HLA-DQB1: variants seen among roughly 807,000 people sequenced by gnomAD.
HLA-DQB1 encodes the protein HLA class II histocompatibility antigen, DQ beta 1 chain.
Under a neutral mutation model 26.4 loss-of-function variants are expected in HLA-DQB1, and 13 were observed. The ratio of observed to expected loss-of-function variants is 0.49; its 90% confidence interval spans 0.32 to 0.78. HLA-DQB1 has a LOEUF of 0.78. Among genes scored for constraint, HLA-DQB1 ranks in the 30% least tolerant of loss-of-function variants. The pLI, the probability that HLA-DQB1 is intolerant of heterozygous loss-of-function variation, is 0.03. For synonymous variants in HLA-DQB1, 60 were observed against 129.1 expected (o/e 0.46, Z 3.63); for missense variants, 158 against 326.2 (o/e 0.48, Z 3.97).
chr6:32,663,612 G>GCCTACAGT (rs17843763), intron 2 of HLA-DQB1: 2 of 147,186 alleles, frequency 1.4e-5, no homozygotes, highest in Non-Finnish European at 3.0e-5. Flanking sequence ...ACCAATATTA[G>GCCTACAGT]GATATATAAA....
chr6:32,660,230 CA>C, exon 5 of HLA-DQB1: 1 of 997,746 alleles, frequency 1.0e-6, no homozygotes, highest in Non-Finnish European at 1.4e-6. Context: ...AAAATAGTCT[CA>C]GGAGTCAGTG....
At chr6:32,661,551 G>T in intron 3 of HLA-DQB1, 94 bp from the exon 4 acceptor site, 1 of 773,558 alleles carries the variant, frequency 1.3e-6, no homozygotes, top group Non-Finnish European at 1.9e-6. Flanking sequence ...AGAAGGTGAA[G>T]GCATCAAAGG....
At chr6:32,660,296 G>GGGAGATGGCAGGCCCA in intron 4 of HLA-DQB1, 47 bp from the exon 5 acceptor site, 1 of 965,022 alleles carries the variant, frequency 1.0e-6, no homozygotes, top group South Asian at 1.7e-5. Context: ...ATCCTGGTGG[G>GGGAGATGGCAGGCCCA]CCTGCCATCT....
intron 1 of HLA-DQB1, 50 bp downstream of exon 1, chr6:32,666,449 G>A (rs68033958): frequency 0.22 from 144,210 of 659,128 alleles, 24,316 homozygotes; most frequent in South Asian, 0.39. Context: ...AGCCCAAGGA[G>A]AGCCTGTTCC....
In HLA-DQB1 at chr6:32,660,162, T is replaced by C. The variant is rs888653196; in HGVS notation, c.*74A>G. On this transcript the variant is annotated 3_prime_UTR_variant, in exon 5 of 5. Coordinates refer to ENST00000434651, the Ensembl canonical transcript of HLA-DQB1. ...AGGGGGACAAGCTGACACAGGCAGC[T>C]GGGAATTCTGGGCAGGCATAAGCAG... is the stretch of plus-strand genomic sequence containing the variant. 1.0e-5 allele frequency: 7 copies of C among 691,984 alleles called. 2 individuals carry two copies. Among genetic ancestry groups the C allele is most frequent in the African/African-American group, 7.7e-5 (4 of 51,944 alleles). The allele number at this position is 691,984 out of a possible 1,614,324, so 42.9% of individuals were successfully genotyped here.
intron 2 of HLA-DQB1, chr6:32,662,718 T>C (rs9274183): frequency 0.71 from 65,368 of 92,388 alleles, 26,314 homozygotes; most frequent in Middle Eastern, 0.84. Context: ...CCTTTCCTTT[T>C]AGGCCACTTT....
chr6:32,660,098 C>A, exon 5 of HLA-DQB1: 2 of 452,034 alleles, frequency 4.4e-6, no homozygotes, highest in Non-Finnish European at 4.0e-6. Flanking sequence ...AGGAGATGAC[C>A]TGGTGGCTGC....
At chr6:32,665,842 G>A (rs281861380) in intron 1 of HLA-DQB1, among the ~76,000 whole-genome samples, 1 of 107,220 alleles carries the variant, frequency 9.3e-6, no homozygotes, top group East Asian at 3.2e-4. Context: ...TGTCTGAAGT[G>A]AGTGGTTTCA....
At chr6:32,666,506 G>A (rs1784182532) in exon 1 of HLA-DQB1, 2 of 1,090,246 alleles carry the variant, frequency 1.8e-6, no homozygotes, top group South Asian at 1.4e-5. Context: ...TACCGGGAGA[G>A]TCTCTGCCCT....
At chr6:32,662,367 C>A (rs9274087) in intron 2 of HLA-DQB1, 119 bp from the exon 3 acceptor site, 1 of 434,276 alleles carries the variant, frequency 2.3e-6, no homozygotes, top group Non-Finnish European at 3.7e-6. Flanking sequence ...GAGTCGAAGT[C>A]TTGGATTAAG....
At chr6:32,660,364 G>GTCT in intron 4 of HLA-DQB1, 115 bp from the exon 5 acceptor site, 1 of 517,070 alleles carries the variant, frequency 1.9e-6, no homozygotes, top group Non-Finnish European at 3.4e-6. Context: ...GGTCCAGGGT[G>GTCT]TATTGTCATC....
In HLA-DQB1 at chr6:32,664,911, T is replaced by TG. The variant is rs762351772; in HGVS notation, c.265_266insC (p.Asp89AlafsTer79). On this transcript the variant is annotated frameshift_variant, in exon 2 of 5. Coordinates refer to ENST00000434651, the Ensembl canonical transcript of HLA-DQB1. LOFTEE classifies it high-confidence loss of function. ...CTTCTGGCTGTTCCAGTACTCGGCATCAGGCCGCCCCTGCGGCGTCACCGC... is the reference window on the plus strand; with the variant it reads ...CTTCTGGCTGTTCCAGTACTCGGCATGCAGGCCGCCCCTGCGGCGTCACCGC... 7.5e-7 allele frequency: 1 copy of TG among 1,333,108 alleles called. No homozygotes were observed. The highest frequency in any genetic ancestry group is 1.1e-6 in the Non-Finnish European group (1 of 947,506). The allele number at this position is 1,333,108 out of a possible 1,614,324, so 82.6% of individuals were successfully genotyped here.
exon 2 of HLA-DQB1, chr6:32,664,873 C>T (rs1130386): frequency 0.43 from 444,825 of 1,037,710 alleles, 160,255 homozygotes; most frequent in East Asian, 0.69. Flanking sequence ...GCCCGGGTCC[C>T]CTCCAGGACT....
At chr6:32,663,425 A>ATG (rs1783411870) in intron 2 of HLA-DQB1, 1 of 126,258 alleles carries the variant, frequency 7.9e-6, no homozygotes, top group Non-Finnish European at 1.7e-5. Context: ...GCATTAACAC[A>ATG]CAGAACAAAC....
chr6:32,664,594 C>T (rs150457662), intron 2 of HLA-DQB1: 10,543 of 291,970 alleles, frequency 0.036, 3,231 homozygotes, highest in South Asian at 0.24. Flanking sequence ...GGCAGCCTGG[C>T]CAACTCTGCT....
At chr6:32,665,506 G>A (rs281861676) in intron 1 of HLA-DQB1, among the ~76,000 whole-genome samples, 1 of 102,414 alleles carries the variant, frequency 9.8e-6, no homozygotes, top group Non-Finnish European at 2.1e-5. Flanking sequence ...GCCTCGTTCT[G>A]ACACGCGTAT....
intron 1 of HLA-DQB1, among the ~76,000 whole-genome samples, chr6:32,666,233 G>A (rs3830058): frequency 0.76 from 113,247 of 148,494 alleles, 43,841 homozygotes; most frequent in East Asian, 0.91. Flanking sequence ...TTGTCCTATC[G>A]CTGGTAGTAA....
At chr6:32,660,288 C>A (rs281864453) in intron 4 of HLA-DQB1, 39 bp from the exon 5 acceptor site, 1 of 941,732 alleles carries the variant, frequency 1.1e-6, no homozygotes, top group South Asian at 1.7e-5. Flanking sequence ...CACAGGGTAT[C>A]CTGGTGGGCC....
intron 2 of HLA-DQB1, 74 bp from the exon 3 acceptor site, chr6:32,662,322 G>T (rs9274065): frequency 0.057 from 32,908 of 578,606 alleles, 1,680 homozygotes; most frequent in East Asian, 0.19. Flanking sequence ...CCATGAGGAA[G>T]GATCCCTCCT....
Sources: allele counts gnomAD v4.1 joint callset (sites outside exome capture counted in the v4.1 genomes callset), GRCh38; gene constraint gnomAD v4.1.1; transcripts MANE v1.5; gene names NCBI Gene and HGNC (gene_info 2026-07-23, HGNC 2026-07-21).